The following PLEKHA5 variants were observed in gnomAD, a reference collection of about 807,000 sequenced individuals.
PLEKHA5 encodes pleckstrin homology domain-containing family A member 5.
In PLEKHA5, 55 loss-of-function variants were observed where a neutral mutation model predicts 181.9. The ratio of observed to expected loss-of-function variants is 0.30; its 90% CI spans 0.24 to 0.38. PLEKHA5 has a LOEUF of 0.38. PLEKHA5 is among the 10% of genes least tolerant of loss of function. PLEKHA5 has a pLI of 1.00. For missense variants in PLEKHA5, 1,432 were observed against 1,549.5 expected, an observed-to-expected ratio of 0.92 and a Z score of 1.27; for synonymous variants, 535 against 529.4, an observed-to-expected ratio of 1.01 and a Z score of -0.15.
At chr12:19,297,822 A>G (rs2080297532) in intron 15 of PLEKHA5, among the ~76,000 whole-genome samples, 1 of 150,860 alleles carries the variant, frequency 6.6e-6, no homozygotes, top group African/African-American at 2.4e-5. Flanking sequence ...CTGGGGATAG[A>G]TTGTCAACAG....
intron 13 of PLEKHA5, among the ~76,000 whole-genome samples, chr12:19,289,201 C>T (rs2077869128): frequency 6.6e-6 from 1 of 152,170 alleles, no homozygotes; most frequent in African/African-American, 2.4e-5. Context: ...ACCAAATATT[C>T]TTTGACCATT....
intron 3 of PLEKHA5, among the ~76,000 whole-genome samples, chr12:19,203,869 G>A (rs999085634): frequency 1.3e-5 from 2 of 151,750 alleles, no homozygotes; most frequent in Non-Finnish European, 2.9e-5. Flanking sequence ...TTTCTTTTTA[G>A]TGAAGAATTT....
intron 3 of PLEKHA5, among the ~76,000 whole-genome samples, chr12:19,253,216 A>AGG (rs1258262504): frequency 6.0e-5 from 9 of 150,960 alleles, no homozygotes; most frequent in Middle Eastern, 6.8e-3. Context: ...CTGGGATTAC[A>AGG]GGCACACGCC....
intron 30 of PLEKHA5, 148 bp from the exon 31 acceptor site, chr12:19,369,545 A>C: frequency 2.5e-6 from 1 of 398,372 alleles, no homozygotes; most frequent in Non-Finnish European, 4.3e-6. Flanking sequence ...AATTATTTAA[A>C]AAGAAAAAAT....
At chr12:19,218,861 T>C (rs1045533059) in intron 3 of PLEKHA5, among the ~76,000 whole-genome samples, 3 of 151,190 alleles carry the variant, frequency 2.0e-5, no homozygotes, top group Non-Finnish European at 4.4e-5. Flanking sequence ...TATATGTTAT[T>C]ACATTTTTAA....
At chr12:19,147,614 C>A (rs1369220287) in intron 3 of PLEKHA5, among the ~76,000 whole-genome samples, 1 of 136,922 alleles carries the variant, frequency 7.3e-6, no homozygotes. Flanking sequence ...TTTTTTTTGG[C>A]AAATGAATGA....
At chr12:19,262,047 T>C (rs1175309514) in intron 7 of PLEKHA5, among the ~76,000 whole-genome samples, 2 of 152,186 alleles carry the variant, frequency 1.3e-5, no homozygotes, top group African/African-American at 4.8e-5. Context: ...ATGCTAAGCT[T>C]ACTCTACAAT....
intron 3 of PLEKHA5, among the ~76,000 whole-genome samples, chr12:19,189,474 G>A (rs923240758): frequency 6.6e-6 from 1 of 152,130 alleles, no homozygotes; most frequent in Non-Finnish European, 1.5e-5. Flanking sequence ...ATGCAGCTGA[G>A]TGGAGAGTTC....
chr12:19,179,553 G>A (rs1386132377), intron 3 of PLEKHA5, among the ~76,000 whole-genome samples: 2 of 152,116 alleles, frequency 1.3e-5, no homozygotes, highest in Non-Finnish European at 2.9e-5. Context: ...TCAGCTACTC[G>A]GGAGGCTGAG....
Position 19,311,778 on chromosome 12 carries a change from GT to G in PLEKHA5, c.2038-3032del, listed in dbSNP as rs2086647932. Among the ~76,000 whole-genome samples, 2 of 152,024 alleles carry G rather than the reference GT, an allele frequency of 1.3e-5. 1 individual carries two copies. Among genetic ancestry groups the G allele is most frequent in the South Asian group, 4.2e-4 (2 of 4,808 alleles). On this transcript the variant is annotated intron_variant, in intron 15 of 31. Transcript: ENST00000429027. ...CTCATTCATGAGAGTTGGAACCAGT[GT>G]TTTCAAACTTCTGTTAATGTTGCTA...
At chr12:19,145,817 G>A (rs1259273510) in intron 3 of PLEKHA5, among the ~76,000 whole-genome samples, 2 of 152,102 alleles carry the variant, frequency 1.3e-5, no homozygotes, top group Non-Finnish European at 2.9e-5. Context: ...GAAATAGGCT[G>A]TATTCGTAGT....
chr12:19,259,587 C>T lies in PLEKHA5; in HGVS notation c.538-1362C>T, dbSNP rs2067826147. ...CCAACATGGAGAAACCCTGTCTCTACCAAAAATACAAAAATTAGCCAGCTG... is the reference window on the plus strand; with the variant it reads ...CCAACATGGAGAAACCCTGTCTCTATCAAAAATACAAAAATTAGCCAGCTG... On this transcript the variant is annotated intron_variant, in intron 6 of 31. Coordinates refer to ENST00000429027, the MANE Select transcript of PLEKHA5 (RefSeq NM_001256470.2). 3.3e-5 allele frequency among the ~76,000 whole-genome samples: 5 copies of T among 151,834 alleles called. No homozygotes were observed. The South Asian group carries it at 8.3e-4, about 25-fold the overall frequency.
intron 3 of PLEKHA5, among the ~76,000 whole-genome samples, chr12:19,209,665 C>T (rs1420541399): frequency 6.6e-6 from 1 of 152,120 alleles, no homozygotes; most frequent in Non-Finnish European, 1.5e-5. Flanking sequence ...CAGTATGGTC[C>T]TGAAAACAAA....
At chr12:19,333,280 C>T (rs912578337) in intron 20 of PLEKHA5, among the ~76,000 whole-genome samples, 2 of 150,414 alleles carry the variant, frequency 1.3e-5, no homozygotes, top group East Asian at 2.0e-4. Context: ...AGTGAAACTC[C>T]ATCTCAAAAA....
At chr12:19,354,096 T>C in intron 26 of PLEKHA5, 94 bp downstream of exon 26, 1 of 490,100 alleles carries the variant, frequency 2.0e-6, no homozygotes, top group Non-Finnish European at 3.8e-6. Context: ...TCAAAATTAT[T>C]TTTGCATACT....
chr12:19,214,583 A>T (rs74478800), intron 3 of PLEKHA5, among the ~76,000 whole-genome samples: 10,790 of 152,144 alleles, frequency 0.071, 404 homozygotes, highest in South Asian at 0.11. Flanking sequence ...GGTGCCAGGG[A>T]TGTTGGGAAG....
chr12:19,197,069 C>T (rs577480172), intron 3 of PLEKHA5, among the ~76,000 whole-genome samples: 1 of 152,120 alleles, frequency 6.6e-6, no homozygotes, highest in African/African-American at 2.4e-5. Flanking sequence ...AGAGGTAGCT[C>T]TCTTCCCCAC....
intron 16 of PLEKHA5, among the ~76,000 whole-genome samples, 153 bp downstream of exon 16, chr12:19,315,047 C>T (rs2088056710): frequency 6.6e-6 from 1 of 151,928 alleles, no homozygotes; most frequent in Non-Finnish European, 1.5e-5. Context: ...TTCATCCATG[C>T]TTTTCAAGAT....
At chr12:19,229,750 C>T (rs1248379179) in intron 3 of PLEKHA5, among the ~76,000 whole-genome samples, 2 of 152,220 alleles carry the variant, frequency 1.3e-5, no homozygotes, top group Non-Finnish European at 2.9e-5. Context: ...TATCTGGCCC[C>T]ACCCACATCC....
Sources: gnomAD v4.1 joint callset for allele counts (sites outside exome capture counted in the v4.1 genomes callset) on GRCh38, gnomAD v4.1.1 for gene constraint, MANE v1.5 for transcripts, NCBI Gene and HGNC (gene_info 2026-07-23, HGNC 2026-07-21) for gene names.